EVL: variants seen among roughly 807,000 people sequenced by gnomAD.
EVL encodes Enah/Vasp-like.
In EVL, 21 loss-of-function variants were observed where a neutral mutation model predicts 59.6. The ratio of observed to expected loss-of-function variants is 0.35; its 90% confidence interval spans 0.25 to 0.51. The LOEUF (loss-of-function observed/expected upper bound fraction) is 0.51, where lower values mean the gene tolerates loss of function less well. Among genes scored for constraint, EVL ranks in the 20% least tolerant of loss-of-function variants. The pLI is 0.97. For synonymous variants in EVL, 198 were observed against 203.5 expected, an observed-to-expected ratio of 0.97 and a Z score of 0.23; for missense variants, 462 against 546.6, an observed-to-expected ratio of 0.85 and a Z score of 1.54.
chr14:100,035,595 T>G (rs1437157606), intron 1 of EVL, among the ~76,000 whole-genome samples: 1 of 152,150 alleles, frequency 6.6e-6, no homozygotes, highest in Non-Finnish European at 1.5e-5. Flanking sequence ...CTTTGAGACA[T>G]TTGTTTTCTA....
intron 1 of EVL, among the ~76,000 whole-genome samples, chr14:100,076,050 A>T (rs188885617): frequency 1.7e-3 from 262 of 152,360 alleles, no homozygotes; most frequent in African/African-American, 6.1e-3. Context: ...AGCAATGACA[A>T]TGTGAGCTTT....
In EVL at chr14:99,988,326, A is replaced by G. The variant is rs59167999; in HGVS notation, c.5+16269A>G. 0.012 allele frequency among the ~76,000 whole-genome samples: 1,825 copies of G among 152,306 alleles called. 79 individuals are homozygous for G. In the East Asian group the frequency reaches 0.16, roughly 13 times the overall value. ...AAGGTGCTTAGCATCATTAGACAAG[A>G]GGAAAGGCAAACCAAAACCACAATG... On this transcript the variant is annotated intron_variant, in intron 1 of 13. Transcript: ENST00000402714.
intron 1 of EVL, among the ~76,000 whole-genome samples, chr14:100,055,083 T>C (rs2140253075): frequency 6.6e-6 from 1 of 151,882 alleles, no homozygotes. Context: ...CCTGTAATCC[T>C]AGCTACTTGG....
chr14:100,010,322 C>G (rs769177112), intron 1 of EVL, among the ~76,000 whole-genome samples: 2 of 152,166 alleles, frequency 1.3e-5, no homozygotes, highest in Non-Finnish European at 2.9e-5. Context: ...GGGCGTGACT[C>G]CTAGACCCCT....
chr14:100,117,742 C>T (rs1408404549), intron 3 of EVL, among the ~76,000 whole-genome samples: 2 of 152,206 alleles, frequency 1.3e-5, no homozygotes, highest in African/African-American at 4.8e-5. Flanking sequence ...TACCCCAACT[C>T]ATTGTATTTT....
chr14:100,005,951 A>G (rs1336417364), intron 1 of EVL, among the ~76,000 whole-genome samples: 1 of 146,538 alleles, frequency 6.8e-6, no homozygotes, highest in African/African-American at 2.7e-5. Context: ...TGTGACGTAA[A>G]TAAAGCCCTT....
At chr14:100,001,834 T>TA (rs1197358116) in intron 1 of EVL, among the ~76,000 whole-genome samples, 4 of 152,230 alleles carry the variant, frequency 2.6e-5, no homozygotes, top group Non-Finnish European at 5.9e-5. Flanking sequence ...TTAAGTTTGA[T>TA]TCCTTAAAGG....
chr14:100,105,709 G>A (rs572401844), intron 3 of EVL, among the ~76,000 whole-genome samples: 1 of 151,952 alleles, frequency 6.6e-6, no homozygotes, highest in East Asian at 1.9e-4. Context: ...TGTCTGTCTC[G>A]CAGCATGAGA....
chr14:100,061,403 C>CAAAAAAA (rs56656380), upstream of EVL, among the ~76,000 whole-genome samples: 31 of 19,094 alleles, frequency 1.6e-3, 1 homozygote, highest in African/African-American at 5.5e-3. Flanking sequence ...GACCCTGTCT[C>CAAAAAAA]AAAAAAAAAA....
chr14:100,125,258 AC>A (rs1371337409), intron 4 of EVL, among the ~76,000 whole-genome samples: 15 of 103,424 alleles, frequency 1.5e-4, no homozygotes, highest in Admixed American at 3.5e-4. Context: ...AGGAATACAC[AC>A]ACACACACAC....
At chr14:100,064,140 C>T (rs2140267829), upstream of EVL, among the ~76,000 whole-genome samples, 1 of 152,338 alleles carries the variant, frequency 6.6e-6, no homozygotes, top group South Asian at 2.1e-4. Context: ...GCATTTTTAG[C>T]ATTCAAAGTG....
chr14:100,009,211 C>T (rs930174789), intron 1 of EVL, among the ~76,000 whole-genome samples: 5 of 152,224 alleles, frequency 3.3e-5, no homozygotes, highest in African/African-American at 1.2e-4. Context: ...AGCATTGGTA[C>T]CTAGACTCCA....
intron 13 of EVL, chr14:100,142,143 C>A (rs1889213394): frequency 5.3e-6 from 1 of 188,976 alleles, no homozygotes; most frequent in Admixed American, 5.6e-5. Context: ...GTCATTCCAC[C>A]CCCTGGCGGT....
At chr14:100,016,031 A>G (rs747351642) in intron 1 of EVL, among the ~76,000 whole-genome samples, 21 of 151,212 alleles carry the variant, frequency 1.4e-4, no homozygotes, top group African/African-American at 5.1e-4. Flanking sequence ...GTGAGCTGAG[A>G]TTGCACCACT....
intron 3 of EVL, among the ~76,000 whole-genome samples, chr14:100,122,818 C>A (rs1327293222): frequency 6.6e-6 from 1 of 152,258 alleles, no homozygotes; most frequent in Non-Finnish European, 1.5e-5. Flanking sequence ...CAGCTCCAGC[C>A]TCCTCTGAAC....
At chr14:100,081,824 GC>G (rs1389762544) in intron 1 of EVL, among the ~76,000 whole-genome samples, 2 of 152,300 alleles carry the variant, frequency 1.3e-5, no homozygotes, top group Admixed American at 1.3e-4. Flanking sequence ...CCCAGGCCTG[GC>G]GCAGTGGCTC....
rs762886561 is a variant in EVL, at chr14:100,137,605, G to A, written c.992G>A (p.Ser331Asn). ...GCTGGCCGGAAGCCCTGGGAGCGGA[G>A]CAACTCGGTGGAGAAGCCTGTGTCC... ...SEAGRKPWERSNSVEKPVSSI... is the reference protein window; with the variant it reads ...SEAGRKPWERNNSVEKPVSSI... Residue 331 changes from serine to asparagine, a missense_variant, in exon 10 of 14, where the codon AGC (serine) becomes AAC (asparagine). By Grantham distance (46) the Ser-to-Asn change is conservative (BLOSUM62 1). Transcript: ENST00000392920. The A allele has an allele frequency of 7.4e-6, 12 of 1,614,038 alleles. No individual in the cohort carries two copies. Among genetic ancestry groups the A allele is most frequent in the South Asian group, 1.1e-5 (1 of 91,086 alleles).
rs541114815 is a variant in EVL at position 100,078,510 on chromosome 14, T to A, written c.12-6177T>A. Among the ~76,000 whole-genome samples the A allele has an allele frequency of 2.0e-4, 30 of 151,618 alleles. No individual in the cohort carries two copies. In the South Asian group the frequency reaches 6.3e-3, roughly 32 times the overall value. ...GGAAAGGCAGTAACCTTGTCTGGGC[T>A]TATTTAAGTGTATTCTCAGGGCCAG... On this transcript the variant is annotated intron_variant, in intron 1 of 13. Coordinates refer to ENST00000392920, the MANE Select transcript of EVL (RefSeq NM_016337.3).
intron 3 of EVL, among the ~76,000 whole-genome samples, chr14:100,102,806 T>C (rs2140329409): frequency 6.6e-6 from 1 of 152,214 alleles, no homozygotes; most frequent in East Asian, 1.9e-4. Context: ...CTTTTAAAAA[T>C]GGACATAAAG....
Sources: gnomAD v4.1 joint callset for allele counts (sites outside exome capture counted in the v4.1 genomes callset) on GRCh38, gnomAD v4.1.1 for gene constraint, MANE v1.5 for transcripts, NCBI Gene and HGNC (gene_info 2026-07-23, HGNC 2026-07-21) for gene names.